Variants in FAM149B1 observed in about 807,000 individuals in gnomAD.
FAM149B1 encodes primary cilium assembly protein FAM149B1.
FAM149B1 carries 56 observed loss-of-function variants against 75.3 expected under a neutral mutation model. That is an observed-to-expected ratio of 0.74 (90% confidence interval 0.60 to 0.93). The LOEUF (loss-of-function observed/expected upper bound fraction) is 0.93, where lower values mean the gene tolerates loss of function less well. Ranked by LOEUF, FAM149B1 falls within the 40% of genes least tolerant of loss-of-function variation. The pLI, the probability that FAM149B1 is intolerant of heterozygous loss-of-function variation, is 0.00. For synonymous variants in FAM149B1, 259 were observed against 256.1 expected, an observed-to-expected ratio of 1.01 and a Z score of -0.11; for missense variants, 639 against 708.4, an observed-to-expected ratio of 0.90 and a Z score of 1.11.
At chr10:73,171,871 G>T (rs894892930) in intron 1 of FAM149B1, among the ~76,000 whole-genome samples, 3 of 151,894 alleles carry the variant, frequency 2.0e-5, no homozygotes, top group Non-Finnish European at 4.4e-5. Flanking sequence ...CTCGTGATCT[G>T]CCTGCCTCAG....
chr10:73,174,908 G>T (rs1843879174), intron 2 of FAM149B1, 117 bp downstream of exon 2: 3 of 676,460 alleles, frequency 4.4e-6, no homozygotes, highest in East Asian at 5.5e-5. Flanking sequence ...AAGAATTTTT[G>T]TCATGTTCTC....
chr10:73,203,911 G>T (rs1235883334), intron 5 of FAM149B1, among the ~76,000 whole-genome samples: 2 of 152,052 alleles, frequency 1.3e-5, no homozygotes, highest in Non-Finnish European at 2.9e-5. Flanking sequence ...AAAGTGCAGA[G>T]ATTACAGGAA....
At chr10:73,184,738 A>G (rs2042480671) in intron 3 of FAM149B1, among the ~76,000 whole-genome samples, 8 of 152,314 alleles carry the variant, frequency 5.3e-5, no homozygotes, top group Admixed American at 5.2e-4. Flanking sequence ...AGAAAAGGGA[A>G]AAGCAAAATA....
At position 73,230,494 on chromosome 10, in the gene FAM149B1, C is replaced by A; in HGVS notation, c.1096C>A (p.Pro366Thr). The A allele has an allele frequency of 6.5e-7, 1 of 1,543,748 alleles. No individual in the cohort carries two copies. Residue 366 changes from proline to threonine, a missense_variant, in exon 9 of 14, where the codon CCA becomes ACA. Physicochemically the swap from Pro to Thr is conservative, Grantham distance 38 (BLOSUM62 -1). Coordinates refer to ENST00000242505, the MANE Select transcript of FAM149B1 (RefSeq NM_173348.2). ...DLLVHGMPLQ[P>T]RNLSLMDKLL... ...CTTGGTTCATGGAATGCCTCTACAG[C>A]CAAGAAATCTCTCCCTAATGGACAA...
chr10:73,173,237 A>G (rs764221136), intron 1 of FAM149B1, among the ~76,000 whole-genome samples: 1 of 152,206 alleles, frequency 6.6e-6, no homozygotes, highest in East Asian at 1.9e-4. Context: ...GCTTCCCCCA[A>G]TGATGACATC....
chr10:73,231,436 A>C (rs1383330798), intron 9 of FAM149B1: 1 of 152,068 alleles, frequency 6.6e-6, no homozygotes, highest in Non-Finnish European at 1.5e-5. Flanking sequence ...ACCATTTTAC[A>C]CTCCTTCCAG....
At position 73,175,187 on chromosome 10, in the gene FAM149B1, C is replaced by T. The variant is rs149509816; in HGVS notation, c.152+396C>T. On this transcript the variant is annotated intron_variant, in intron 2 of 13. Transcript: ENST00000242505. ...ACCAGCATGGGCAACATGGCAAACC[C>T]CATCTCTACAAAAAAATAAATAAAT... Among the ~76,000 whole-genome samples the T allele has an allele frequency of 2.2e-4, 34 of 152,062 alleles. No homozygotes were observed. The East Asian group carries it at 6.4e-3, about 29-fold the overall frequency.
At chr10:73,193,817 G>A (rs1189978019) in intron 5 of FAM149B1, among the ~76,000 whole-genome samples, 1 of 152,068 alleles carries the variant, frequency 6.6e-6, no homozygotes, top group African/African-American at 2.4e-5. Context: ...TCTGTTTTCT[G>A]TTGCTTGTAA....
chr10:73,194,415 C>T (rs567429078), intron 5 of FAM149B1, among the ~76,000 whole-genome samples: 10 of 152,048 alleles, frequency 6.6e-5, no homozygotes, highest in East Asian at 3.9e-4. Context: ...TTTTTTGAGA[C>T]GGAGTCTTGC....
intron 9 of FAM149B1, chr10:73,230,952 A>G (rs2043680348): frequency 6.5e-6 from 1 of 154,676 alleles, no homozygotes; most frequent in Non-Finnish European, 1.4e-5. Flanking sequence ...ATATTTAGGA[A>G]AGATAGCAGA....
chr10:73,243,503 C>G lies in FAM149B1; in HGVS notation c.*2484C>G, dbSNP rs148829608. 2 of 1,613,992 alleles carry G rather than the reference C, an allele frequency of 1.2e-6. No homozygotes were observed. Among genetic ancestry groups the G allele is most frequent in the South Asian group, 1.1e-5 (1 of 91,064 alleles). On this transcript the variant is annotated 3_prime_UTR_variant, in exon 14 of 14. Transcript: ENST00000242505. ...CAGAAAATTGTCCATTTCCTTTTGC[C>G]GATCCTTTTGTCTGCTCTGTTTGAG...
Position 73,244,110 on chromosome 10 carries a change from A to G in FAM149B1, c.*3091A>G. ...CAACAATGCTGACAGCAAGCAGTAGATCCTCTGATTCCAATTACCATTTGT... is the reference window on the plus strand; with the variant it reads ...CAACAATGCTGACAGCAAGCAGTAGGTCCTCTGATTCCAATTACCATTTGT... On this transcript the variant is annotated 3_prime_UTR_variant, in exon 14 of 14. Coordinates refer to ENST00000242505, the MANE Select transcript of FAM149B1 (RefSeq NM_173348.2). 1 of 587,932 alleles carries G rather than the reference A, an allele frequency of 1.7e-6. No homozygotes were observed. Among genetic ancestry groups the G allele is most frequent in the East Asian group, 3.0e-5 (1 of 33,356 alleles). The allele number at this position is 587,932 out of a possible 1,614,324, so 36.4% of individuals were successfully genotyped here.
At chr10:73,176,554 T>C (rs1045179126) in intron 2 of FAM149B1, among the ~76,000 whole-genome samples, 8 of 152,194 alleles carry the variant, frequency 5.3e-5, no homozygotes, top group Non-Finnish European at 1.2e-4. Flanking sequence ...AGAACTTCTA[T>C]TAGTGTCTGA....
chr10:73,221,081 CCATAGAGA>C (rs2043402824), intron 7 of FAM149B1, among the ~76,000 whole-genome samples: 1 of 151,994 alleles, frequency 6.6e-6, no homozygotes, highest in Non-Finnish European at 1.5e-5. Flanking sequence ...ATAGGCAGAG[CCATAGAGA>C]CAGAGTTTAG....
At chr10:73,199,395 T>C (rs2042882096) in intron 5 of FAM149B1, among the ~76,000 whole-genome samples, 1 of 151,928 alleles carries the variant, frequency 6.6e-6, no homozygotes, top group South Asian at 2.1e-4. Flanking sequence ...TTTTTTGTAT[T>C]TTTAGTAGAG....
intron 5 of FAM149B1, among the ~76,000 whole-genome samples, chr10:73,205,164 A>G (rs2043028241): frequency 6.6e-6 from 1 of 151,222 alleles, no homozygotes; most frequent in Admixed American, 6.6e-5. Context: ...TAGTTTAGAT[A>G]TTTGTCCTTG....
At chr10:73,226,534 C>T (rs968694351) in intron 7 of FAM149B1, among the ~76,000 whole-genome samples, 3 of 152,048 alleles carry the variant, frequency 2.0e-5, no homozygotes, top group South Asian at 2.1e-4. Flanking sequence ...TGTTGCCACA[C>T]GACCTGGGTT....
At chr10:73,195,134 T>G (rs923618471) in intron 5 of FAM149B1, among the ~76,000 whole-genome samples, 2 of 152,230 alleles carry the variant, frequency 1.3e-5, no homozygotes, top group African/African-American at 4.8e-5. Context: ...ATTTAAAAAA[T>G]TATTCCTATA....
In FAM149B1 at chr10:73,235,195, A is replaced by G. The variant is rs921012360; in HGVS notation, c.1479A>G (p.Lys493=). 1 of 1,551,432 alleles carries G rather than the reference A, an allele frequency of 6.4e-7. No homozygotes were observed. The highest frequency in any genetic ancestry group is 8.7e-7 in the Non-Finnish European group (1 of 1,146,894). Residue 493 remains lysine, a splice_region_variant and synonymous_variant, in exon 12 of 14, where the codon AAA becomes AAG. Transcript: ENST00000242505. ...VSTVGPQRQM[K]PHGDSSRAQS... is the part of the protein sequence containing the mutation. ...TGTAACTTTTGTCTCCTCTGCAGAA[A>G]CCCCATGGCGACTCTAGTCGAGCTC...
Sources: gnomAD v4.1 joint callset for allele counts (sites outside exome capture counted in the v4.1 genomes callset) on GRCh38, gnomAD v4.1.1 for gene constraint, MANE v1.5 for transcripts, NCBI Gene and HGNC (gene_info 2026-07-23, HGNC 2026-07-21) for gene names.